The following STIM1 variants were observed in gnomAD, a reference collection of about 807,000 sequenced individuals.
STIM1 encodes the protein stromal interaction molecule 1.
Under a neutral mutation model 74.7 loss-of-function variants are expected in STIM1, and 25 were observed. The observed-to-expected ratio is 0.33, with a 90% CI of 0.24 to 0.47. STIM1 has a LOEUF of 0.47. Among genes scored for constraint, STIM1 ranks in the 20% least tolerant of loss-of-function variants. The pLI, the probability that STIM1 is intolerant of heterozygous loss-of-function variation, is 1.00. For synonymous variants in STIM1, 328 were observed against 348.8 expected (o/e 0.94, Z 0.66); for missense variants, 728 against 920.8 (o/e 0.79, Z 2.71).
chr11:4,055,380 A>C lies in STIM1; in HGVS notation c.386-146A>C, dbSNP rs73431657. 7,072 of 687,802 alleles carry C rather than the reference A, an allele frequency of 0.01. 227 individuals are homozygous for C. The highest frequency in any genetic ancestry group is 0.085 in the African/African-American group (4,791 of 56,566). 42.6% of individuals were successfully genotyped at this position (687,802 alleles called of 1,614,324 possible). ...TAGGATTTCATATAAATAGACTCACAGTGTATACTCCTTTCATACTTAGTA... is the reference window on the plus strand; with the variant it reads ...TAGGATTTCATATAAATAGACTCACCGTGTATACTCCTTTCATACTTAGTA... On this transcript the variant is annotated intron_variant, in intron 3 of 12. Coordinates refer to ENST00000526596, the MANE Select transcript of STIM1 (RefSeq NM_001382567.1).
chr11:4,055,537 A>G lies in STIM1; in HGVS notation c.397A>G (p.Thr133Ala), dbSNP rs758479123. The change falls in exon 4 of 13, where the codon ACC becomes GCC. Residue 133 changes from threonine to alanine, a missense_variant. By Grantham distance (58) the Thr-to-Ala change is moderately conservative. Coordinates refer to ENST00000526596, the MANE Select transcript of STIM1 (RefSeq NM_001382567.1). ...GTCTCTTTTCACAGTATACAATTGG[A>G]CCGTGGATGAGGTGGTACAGTGGCT... ...AWKSSEVYNW[T>A]VDEVVQWLIT... 19 of 1,597,236 alleles carry G rather than the reference A, an allele frequency of 1.2e-5. No individual in the cohort carries two copies. Among genetic ancestry groups the G allele is most frequent in the Non-Finnish European group, 1.6e-5 (19 of 1,172,518 alleles).
At position 4,084,708 on chromosome 11, in the gene STIM1, C is replaced by T. The variant is rs1262669577; in HGVS notation, c.1510C>T (p.Arg504Cys). ...AWLMGRRFSDRSLCSTSAGSD... is the reference protein window; with the variant it reads ...AWLMGRRFSDCSLCSTSAGSD... ...GCTGATGGGGCGTAGGTTCAGTGACCGCTCTCTCTGCTCTACATCCGCCGG... is the reference window on the plus strand; with the variant it reads ...GCTGATGGGGCGTAGGTTCAGTGACTGCTCTCTCTGCTCTACATCCGCCGG... The change falls in exon 11 of 13, where the codon CGC (arginine) becomes TGC (cysteine). Residue 504 changes from arginine (R) to cysteine (C), a missense_variant. Physicochemically the swap from Arg to Cys is radical, Grantham distance 180 (BLOSUM62 -3). Around this residue, in one of 5 missense-constraint regions of STIM1, gnomAD observed 352 missense variants for 370.1 expected, o/e 0.95. Coordinates refer to ENST00000526596, the MANE Select transcript of STIM1 (RefSeq NM_001382567.1). 44 of 1,289,260 alleles carry T rather than the reference C, an allele frequency of 3.4e-5. No homozygotes were observed. The Admixed American group carries it at 7.8e-4, about 23-fold the overall frequency. The allele number at this position is 1,289,260 out of a possible 1,614,324, so 79.9% of individuals were successfully genotyped here. A position where few individuals can be genotyped will look rare whatever the true frequency, so the allele number is the denominator to read the frequency against.
intron 1 of STIM1, among the ~76,000 whole-genome samples, chr11:3,871,494 C>A (rs184646166): frequency 1.4e-4 from 21 of 152,244 alleles, no homozygotes; most frequent in African/African-American, 3.6e-4. Context: ...AGCTCTGTGT[C>A]ATGGGGGCAG....
intron 3 of STIM1, among the ~76,000 whole-genome samples, chr11:4,031,588 T>G (rs1382428648): frequency 6.6e-6 from 1 of 152,224 alleles, no homozygotes; most frequent in Non-Finnish European, 1.5e-5. Flanking sequence ...ATTCTGATAG[T>G]ATAATGATCG....
chr11:3,974,299 AT>A, intron 2 of STIM1: 1 of 292,948 alleles, frequency 3.4e-6, no homozygotes, highest in Non-Finnish European at 6.4e-6. Flanking sequence ...AGAAAAAGCC[AT>A]TCTCGTTTCT....
chr11:4,075,154 A>AAAAG (rs1382216790), intron 7 of STIM1, among the ~76,000 whole-genome samples: 3 of 152,198 alleles, frequency 2.0e-5, no homozygotes, highest in Admixed American at 6.5e-5. Flanking sequence ...AAAAAACAAA[A>AAAAG]AAAGAAAGAA....
intron 2 of STIM1, among the ~76,000 whole-genome samples, chr11:4,007,715 C>T (rs1412391679): frequency 6.6e-6 from 1 of 152,192 alleles, no homozygotes; most frequent in Non-Finnish European, 1.5e-5. Context: ...ATTGTGCTTT[C>T]AAACTCAGTA....
Position 4,023,952 on chromosome 11 carries a change from T to A in STIM1, c.350T>A (p.Val117Glu). The change falls in exon 3 of 13, where the codon GTG becomes GAG. Residue 117 changes from valine to glutamate, a missense_variant. Val to Glu is a moderately radical substitution (Grantham distance 121). This residue lies in a region of STIM1 where 51 missense variants were observed against 101.1 expected (regional missense o/e 0.50). Transcript: ENST00000526596. The part of the protein sequence containing the change: ...TFHGEDKLIS[V>E]EDLWKAWKSS... ...CATGGTGAGGATAAGCTCATCAGCG[T>A]GGAGGACCTGTGGAAGGCATGGAAG... is the stretch of plus-strand genomic sequence containing the variant. 3 of 1,614,064 alleles carry A rather than the reference T, an allele frequency of 1.9e-6. No homozygotes were observed. The South Asian group carries it at 3.3e-5, about 18-fold the overall frequency.
chr11:3,941,696 A>AGAGAGAGTGT lies in STIM1; in HGVS notation c.140-25855_140-25854insAGAGAGTGTG, dbSNP rs1214690521. ...TATAGAGAGAGAGAGAGAGAGAGAG[A>AGAGAGAGTGT]GTGTGTGTGTGTCTCAGTGTCACTG... On this transcript the variant is annotated intron_variant, in intron 1 of 12. Coordinates refer to ENST00000526596, the MANE Select transcript of STIM1 (RefSeq NM_001382567.1). Among the ~76,000 whole-genome samples the AGAGAGAGTGT allele has an allele frequency of 9.0e-4, 128 of 141,834 alleles. No individual in the cohort carries two copies. In the East Asian group the frequency reaches 0.014, roughly 16 times the overall value. The allele number at this position is 141,834 out of a possible 152,430, so 93.0% of individuals were successfully genotyped here.
intron 3 of STIM1, among the ~76,000 whole-genome samples, chr11:4,054,229 T>C (rs766434013): frequency 9.9e-5 from 15 of 152,216 alleles, no homozygotes; most frequent in Non-Finnish European, 2.1e-4. Flanking sequence ...CTATAGATTC[T>C]GTCCTGAAAA....
At chr11:4,084,830 C>G in intron 11 of STIM1, 65 bp downstream of exon 11, 1 of 1,221,902 alleles carries the variant, frequency 8.2e-7, no homozygotes, top group South Asian at 1.3e-5. Flanking sequence ...ACACTCTTAC[C>G]CCATGGGTCC....
chr11:3,900,391 T>A (rs1461266889), intron 1 of STIM1, among the ~76,000 whole-genome samples: 1 of 152,188 alleles, frequency 6.6e-6, no homozygotes. Flanking sequence ...ACTTCCCGAG[T>A]GAGGCAATGC....
intron 8 of STIM1, 44 bp downstream of exon 8, chr11:4,082,395 T>G (rs1032709101): frequency 6.4e-7 from 1 of 1,557,418 alleles, no homozygotes; most frequent in Non-Finnish European, 8.7e-7. Flanking sequence ...CTTTTTGCCC[T>G]TCTCCTTTTT....
intron 5 of STIM1, among the ~76,000 whole-genome samples, chr11:4,060,540 TGG>T (rs2094323435): frequency 6.6e-6 from 1 of 152,174 alleles, no homozygotes; most frequent in Non-Finnish European, 1.5e-5. Context: ...ACCTTTTTTT[TGG>T]GGGAGTGGAG....
intron 1 of STIM1, among the ~76,000 whole-genome samples, chr11:3,942,235 T>C (rs2093020137): frequency 6.6e-6 from 1 of 152,178 alleles, no homozygotes; most frequent in African/African-American, 2.4e-5. Flanking sequence ...CAACCTGGTC[T>C]GTCTACTCCA....
intron 1 of STIM1, among the ~76,000 whole-genome samples, chr11:3,889,574 C>T (rs182419750): frequency 3.0e-4 from 45 of 151,920 alleles, no homozygotes; most frequent in African/African-American, 1.0e-3. Context: ...GGAGTTTCAC[C>T]GTGGATACTT....
chr11:3,957,640 T>A (rs949355636), intron 1 of STIM1, among the ~76,000 whole-genome samples: 4 of 151,998 alleles, frequency 2.6e-5, no homozygotes, highest in Non-Finnish European at 5.9e-5. Context: ...TGACACAGCC[T>A]GAAACTCCTG....
intron 1 of STIM1, among the ~76,000 whole-genome samples, chr11:3,885,022 T>C (rs1010484157): frequency 6.6e-6 from 1 of 152,096 alleles, no homozygotes; most frequent in African/African-American, 2.4e-5. Context: ...TTACTTCTAA[T>C]GGATATGGGG....
chr11:3,871,503 A>T (rs1292932407), intron 1 of STIM1, among the ~76,000 whole-genome samples: 1 of 152,178 alleles, frequency 6.6e-6, no homozygotes, highest in South Asian at 2.1e-4. Context: ...TCATGGGGGC[A>T]GGCCTGAAAC....
Sources: gnomAD v4.1 joint callset for allele counts (sites outside exome capture counted in the v4.1 genomes callset) on GRCh38, gnomAD v4.1.1 for gene constraint, gnomAD v4.1.1 regional missense constraint, MANE v1.5 for transcripts, NCBI Gene and HGNC (gene_info 2026-07-23, HGNC 2026-07-21) for gene names.